The following PCSK6 variants were observed in gnomAD, a reference collection of about 807,000 sequenced individuals.
PCSK6 encodes paired basic amino acid cleaving enzyme 4.
Under a neutral mutation model 123.3 loss-of-function variants are expected in PCSK6, and 85 were observed. The observed-to-expected ratio is 0.69, with a 90% confidence interval of 0.58 to 0.83. The LOEUF (loss-of-function observed/expected upper bound fraction) is 0.83. Ranked by LOEUF, PCSK6 falls within the 40% of genes least tolerant of loss-of-function variation. The pLI is 0.00. For synonymous variants in PCSK6, 508 were observed against 516.0 expected (o/e 0.98, Z 0.21); for missense variants, 1,191 against 1,282.3 (o/e 0.93, Z 1.09).
chr15:101,388,962 A>G (rs539396241), intron 9 of PCSK6, among the ~76,000 whole-genome samples: 1 of 152,350 alleles, frequency 6.6e-6, no homozygotes, highest in Admixed American at 6.5e-5. Flanking sequence ...TCGAAGTCTT[A>G]GGCCCCAGTA....
At chr15:101,306,432 C>T (rs1182924353) in intron 21 of PCSK6, among the ~76,000 whole-genome samples, 6 of 152,248 alleles carry the variant, frequency 3.9e-5, no homozygotes, top group East Asian at 3.9e-4. Flanking sequence ...CTGGACAGGG[C>T]CAGTGCCAGC....
intron 2 of PCSK6, among the ~76,000 whole-genome samples, chr15:101,434,448 G>A (rs2412012): frequency 0.36 from 54,308 of 152,150 alleles, 10,577 homozygotes; most frequent in African/African-American, 0.52. Context: ...GTGGGAAAGC[G>A]TAGAGCCAGA....
At chr15:101,367,453 A>C (rs2041433858) in intron 12 of PCSK6, among the ~76,000 whole-genome samples, 1 of 152,240 alleles carries the variant, frequency 6.6e-6, no homozygotes, top group East Asian at 1.9e-4. Context: ...TCAATGTAGG[A>C]AAATGTTTAT....
At chr15:101,352,766 C>T (rs923482132) in intron 13 of PCSK6, among the ~76,000 whole-genome samples, 3 of 152,200 alleles carry the variant, frequency 2.0e-5, no homozygotes, top group Admixed American at 1.3e-4. Flanking sequence ...GTTTTCCTTG[C>T]ATTCCTTTAA....
rs557121470 is a variant in PCSK6 at position 101,427,878 on chromosome 15, A to G, written c.823+14T>C. 1.9e-6 allele frequency: 3 copies of G among 1,548,214 alleles called. No homozygotes were observed. The East Asian group carries it at 7.3e-5, about 37-fold the overall frequency. On this transcript the variant is annotated intron_variant, in intron 6 of 21. Transcript: ENST00000611716. Reference sequence around the variant, plus strand: ...CAGGCCCCTCGGCTCGCAGGCTGCCACGCCCGGCCTTACCTCCTATTTTGG... The same window carrying G: ...CAGGCCCCTCGGCTCGCAGGCTGCCGCGCCCGGCCTTACCTCCTATTTTGG...
chr15:101,455,907 T>C (rs1292251478), intron 1 of PCSK6, among the ~76,000 whole-genome samples: 1 of 152,248 alleles, frequency 6.6e-6, no homozygotes, highest in Non-Finnish European at 1.5e-5. Flanking sequence ...GCAATTTTCA[T>C]ATGGCTCTTT....
At chr15:101,341,601 C>T (rs2040610323) in intron 13 of PCSK6, among the ~76,000 whole-genome samples, 1 of 152,056 alleles carries the variant, frequency 6.6e-6, no homozygotes, top group South Asian at 2.1e-4. Flanking sequence ...ATAAATACTC[C>T]CAACCCAGAA....
intron 9 of PCSK6, 92 bp from the exon 10 acceptor site, chr15:101,384,517 C>A: frequency 1.0e-6 from 1 of 964,740 alleles, no homozygotes. Flanking sequence ...AGCCAACCCA[C>A]GTCTGAACTT....
chr15:101,480,670 G>C (rs7165319), intron 1 of PCSK6, among the ~76,000 whole-genome samples: 20,705 of 152,218 alleles, frequency 0.14, 1,691 homozygotes, highest in East Asian at 0.35. Flanking sequence ...CCCGCAGGGT[G>C]TGAAGCATCC....
intron 13 of PCSK6, chr15:101,347,605 A>G: frequency 2.6e-6 from 4 of 1,510,806 alleles, no homozygotes; most frequent in Non-Finnish European, 3.6e-6. Context: ...AGCCATGTCC[A>G]AAGTGCTGAG....
intron 9 of PCSK6, among the ~76,000 whole-genome samples, chr15:101,387,157 C>G (rs2042087912): frequency 6.6e-6 from 1 of 152,232 alleles, no homozygotes; most frequent in African/African-American, 2.4e-5. Context: ...CTTTCCCTGC[C>G]AGGCACACCT....
At chr15:101,380,620 C>A (rs566584517) in intron 11 of PCSK6, among the ~76,000 whole-genome samples, 1 of 152,328 alleles carries the variant, frequency 6.6e-6, no homozygotes, top group South Asian at 2.1e-4. Flanking sequence ...GGTCAGTGTG[C>A]AATTAGCCAC....
At chr15:101,464,892 G>A (rs1158952597) in intron 1 of PCSK6, among the ~76,000 whole-genome samples, 4 of 152,182 alleles carry the variant, frequency 2.6e-5, no homozygotes, top group Non-Finnish European at 4.4e-5. Flanking sequence ...CGGGAACTGC[G>A]GGATCCTGGG....
chr15:101,462,833 T>C (rs553013987), intron 1 of PCSK6, among the ~76,000 whole-genome samples: 39 of 152,206 alleles, frequency 2.6e-4, no homozygotes, highest in Non-Finnish European at 5.1e-4. Context: ...TTGGATATCT[T>C]CTGTTTGTCC....
At chr15:101,384,712 G>A (rs1308480178) in intron 9 of PCSK6, among the ~76,000 whole-genome samples, 3 of 152,176 alleles carry the variant, frequency 2.0e-5, no homozygotes, top group African/African-American at 4.8e-5. Flanking sequence ...AGAGCCATAT[G>A]GGAAATTCTG....
chr15:101,412,791 C>T (rs2055742388), intron 6 of PCSK6, among the ~76,000 whole-genome samples: 1 of 150,516 alleles, frequency 6.6e-6, no homozygotes, highest in Non-Finnish European at 1.5e-5. Flanking sequence ...GAGACTATAA[C>T]AAAGACCTAA....
Position 101,398,409 on chromosome 15 carries a change from T to A in PCSK6, c.991A>T (p.Lys331Ter). Residue 331 changes from lysine to a stop codon, truncating the protein, a stop_gained, in exon 7 of 22, where the codon AAA becomes TAA. Coordinates refer to ENST00000611716, the MANE Select transcript of PCSK6 (RefSeq NM_002570.5). LOFTEE classifies it high-confidence loss of function. The surrounding 1 kb of genome is among the most constrained non-coding windows in gnomAD (Gnocchi z 4.6). ...LAKQAFEYGIKKGRQGLGSIF... is the reference protein window; with the variant it reads ...LAKQAFEYGI Reference sequence around the variant, plus strand: ...GTAGCCCTGGTTACTCACACCTTTTTAATGCCATACTCGAAAGCCTGCTTA... The same window carrying A: ...GTAGCCCTGGTTACTCACACCTTTTAAATGCCATACTCGAAAGCCTGCTTA... The A allele has an allele frequency of 6.2e-7, 1 of 1,608,470 alleles. No individual in the cohort carries two copies. Among genetic ancestry groups the A allele is most frequent in the Non-Finnish European group, 8.5e-7 (1 of 1,175,776 alleles).
chr15:101,474,279 C>T (rs1343321287), intron 1 of PCSK6, among the ~76,000 whole-genome samples: 2 of 152,206 alleles, frequency 1.3e-5, no homozygotes, highest in African/African-American at 4.8e-5. Context: ...TGTCCTCAGA[C>T]AGACACACCT....
chr15:101,406,477 A>G (rs2042785499), intron 6 of PCSK6, among the ~76,000 whole-genome samples: 1 of 152,216 alleles, frequency 6.6e-6, no homozygotes, highest in South Asian at 2.1e-4. Flanking sequence ...TTATTTTAGT[A>G]AGTCCACAGA....
Sources: allele counts gnomAD v4.1 joint callset (sites outside exome capture counted in the v4.1 genomes callset), GRCh38; gene constraint gnomAD v4.1.1; non-coding constraint Gnocchi (gnomAD v3.1); transcripts MANE v1.5; gene names NCBI Gene and HGNC (gene_info 2026-07-23, HGNC 2026-07-21).